Variants in LRBA observed in about 807,000 individuals in gnomAD.
LRBA encodes LPS responsive beige-like anchor protein, also known as lipopolysaccharide-responsive and beige-like anchor protein.
A neutral mutation model predicts 330.0 loss-of-function variants in LRBA; 176 were observed. The observed-to-expected ratio is 0.53, with a 90% confidence interval of 0.47 to 0.60. The LOEUF (loss-of-function observed/expected upper bound fraction) is 0.60. LRBA is among the 20% of genes least tolerant of loss of function. The probability of loss-of-function intolerance (pLI) is 0.00; values close to 1 mark genes in which losing one functional copy is unlikely to be tolerated. For synonymous variants in LRBA, 1,230 were observed against 1,193.0 expected, an observed-to-expected ratio of 1.03 and a Z score of -0.64; for missense variants, 3,259 against 3,444.8, an observed-to-expected ratio of 0.95 and a Z score of 1.35.
At chr4:150,287,578 G>T (rs565214820) in intron 53 of LRBA, among the ~76,000 whole-genome samples, 14 of 152,164 alleles carry the variant, frequency 9.2e-5, no homozygotes, top group African/African-American at 3.4e-4. Flanking sequence ...CATAATGCAC[G>T]GCCATGTCCC....
chr4:150,471,063 G>C (rs539144094), intron 43 of LRBA, among the ~76,000 whole-genome samples: 1 of 151,946 alleles, frequency 6.6e-6, no homozygotes, highest in South Asian at 2.1e-4. Flanking sequence ...ATCGTTCTTC[G>C]CATTTCTAAC....
chr4:150,685,420 ATTTTTTTTTTTTT>A (rs70941424), intron 36 of LRBA, among the ~76,000 whole-genome samples: 7 of 17,436 alleles, frequency 4.0e-4, no homozygotes, highest in African/African-American at 1.2e-3. Flanking sequence ...ATATATATAT[ATTTTTTTTTTTTT>A]TTTTTTTTTT....
chr4:150,968,600 G>A (rs984409057), intron 2 of LRBA, among the ~76,000 whole-genome samples: 1 of 152,208 alleles, frequency 6.6e-6, no homozygotes, highest in Non-Finnish European at 1.5e-5. Context: ...TGAGTAAGCT[G>A]TAGAAGAAAA....
chr4:150,938,576 G>A (rs767551804), intron 2 of LRBA, among the ~76,000 whole-genome samples: 32 of 152,134 alleles, frequency 2.1e-4, no homozygotes, highest in Admixed American at 6.6e-4. Context: ...TGACCAACAG[G>A]CAGTAAATAC....
intron 48 of LRBA, among the ~76,000 whole-genome samples, chr4:150,347,861 T>C (rs1291317115): frequency 6.6e-6 from 1 of 152,192 alleles, no homozygotes; most frequent in African/African-American, 2.4e-5. Context: ...TATTTTTCCA[T>C]TGTCTGATCA....
chr4:150,487,416 T>A (rs570455235), intron 42 of LRBA, among the ~76,000 whole-genome samples: 3 of 151,458 alleles, frequency 2.0e-5, no homozygotes, highest in African/African-American at 2.4e-5. Context: ...GGTTAGGCAA[T>A]CTTTTATTTA....
chr4:150,275,362 C>G (rs943038969), intron 56 of LRBA, among the ~76,000 whole-genome samples: 1 of 152,040 alleles, frequency 6.6e-6, no homozygotes, highest in Non-Finnish European at 1.5e-5. Flanking sequence ...CCTTTGAAAA[C>G]TGGCACAAGA....
intron 42 of LRBA, among the ~76,000 whole-genome samples, chr4:150,477,169 A>G (rs753351521): frequency 2.6e-5 from 4 of 152,160 alleles, no homozygotes; most frequent in Non-Finnish European, 5.9e-5. Context: ...TGTGATGGAC[A>G]GTTTTCAGTC....
intron 2 of LRBA, among the ~76,000 whole-genome samples, chr4:150,938,709 A>C (rs1278019628): frequency 6.6e-6 from 1 of 152,162 alleles, no homozygotes; most frequent in Non-Finnish European, 1.5e-5. Context: ...CTGGAATTGA[A>C]GGTGTCTTAT....
chr4:150,892,937 AT>A (rs1729620155), intron 17 of LRBA, 114 bp downstream of exon 17: 8 of 616,308 alleles, frequency 1.3e-5, no homozygotes, highest in Non-Finnish European at 2.2e-5. Context: ...ATCTTAACTC[AT>A]TTCATGCTAT....
chr4:150,962,779 C>T (rs2149568855), intron 2 of LRBA, among the ~76,000 whole-genome samples: 1 of 148,146 alleles, frequency 6.8e-6, no homozygotes, highest in South Asian at 2.1e-4. Flanking sequence ...CATGGTAGAA[C>T]CCTGTCTCTA....
intron 2 of LRBA, among the ~76,000 whole-genome samples, chr4:150,932,804 T>G (rs2149514696): frequency 6.6e-6 from 1 of 152,012 alleles, no homozygotes; most frequent in East Asian, 1.9e-4. Context: ...TAGCCCCATC[T>G]ACTTGGGAGG....
intron 2 of LRBA, among the ~76,000 whole-genome samples, chr4:150,950,190 G>T (rs1736679430): frequency 6.6e-6 from 1 of 152,100 alleles, no homozygotes; most frequent in African/African-American, 2.4e-5. Context: ...TAGCAAACTA[G>T]TGATTTATAG....
chr4:150,915,982 A>C (rs1732540807), intron 7 of LRBA, among the ~76,000 whole-genome samples: 3 of 152,112 alleles, frequency 2.0e-5, no homozygotes. Context: ...AAAAATCTGA[A>C]AATCAAGTAC....
At chr4:150,882,556 G>C (rs1370348580) in intron 17 of LRBA, among the ~76,000 whole-genome samples, 3 of 152,126 alleles carry the variant, frequency 2.0e-5, no homozygotes, top group Non-Finnish European at 4.4e-5. Context: ...ATATTTTCAT[G>C]CAATCTATTT....
At chr4:150,994,599 A>G (rs558600831) in intron 2 of LRBA, among the ~76,000 whole-genome samples, 26 of 152,350 alleles carry the variant, frequency 1.7e-4, no homozygotes, top group African/African-American at 6.0e-4. Context: ...ATGAAAATAA[A>G]GCAGGATATA....
At chr4:150,620,859 G>C (rs1776222541) in intron 37 of LRBA, among the ~76,000 whole-genome samples, 1 of 152,058 alleles carries the variant, frequency 6.6e-6, no homozygotes, top group Non-Finnish European at 1.5e-5. Context: ...TGGGTACAAT[G>C]TACACTACTT....
rs1446603849 is a variant in LRBA at position 150,264,831 on chromosome 4, T to TAACA, written c.*887_*890dup. On this transcript the variant is annotated 3_prime_UTR_variant, in exon 57 of 57. Transcript: ENST00000651943. ...AAGGAAGGTGGAGATGATAGTTTAATAACAAATAGTAAAACAGGTGTTGCT... is the reference window on the plus strand; with the variant it reads ...AAGGAAGGTGGAGATGATAGTTTAATAACAAACAAATAGTAAAACAGGTGTTGCT... 4.0e-4 allele frequency: 61 copies of TAACA among 152,638 alleles called. No homozygotes were observed. Among genetic ancestry groups the TAACA allele is most frequent in the Non-Finnish European group, 1.5e-5 (1 of 68,044 alleles). 9.5% of individuals were successfully genotyped at this position (152,638 alleles called of 1,614,324 possible). A position where few individuals can be genotyped will look rare whatever the true frequency, so the allele number is the denominator to read the frequency against.
At chr4:151,011,148 T>C (rs1435426610) in intron 2 of LRBA, among the ~76,000 whole-genome samples, 4 of 150,074 alleles carry the variant, frequency 2.7e-5, no homozygotes, top group Admixed American at 6.7e-5. Flanking sequence ...GATCGCACCA[T>C]TGCACTCCAG....
Sources: allele counts gnomAD v4.1 joint callset (sites outside exome capture counted in the v4.1 genomes callset), GRCh38; gene constraint gnomAD v4.1.1; transcripts MANE v1.5; gene names NCBI Gene and HGNC (gene_info 2026-07-23, HGNC 2026-07-21).